Variants in PHLPP1 observed in about 807,000 individuals in gnomAD.
PHLPP1 encodes PH domain leucine-rich repeat-containing protein phosphatase 1.
A neutral mutation model predicts 117.2 loss-of-function variants in PHLPP1; 42 were observed. The observed-to-expected ratio is 0.36, with a 90% CI of 0.28 to 0.46. The LOEUF (loss-of-function observed/expected upper bound fraction) is 0.46. Ranked by LOEUF, PHLPP1 falls within the 20% of genes least tolerant of loss-of-function variation. PHLPP1 has a pLI of 1.00. For synonymous variants in PHLPP1, 1,042 were observed against 970.7 expected (o/e 1.07, Z -1.37); for missense variants, 2,084 against 2,241.9 (o/e 0.93, Z 1.42).
At chr18:62,943,156 A>G (rs779002594) in intron 11 of PHLPP1, among the ~76,000 whole-genome samples, 2 of 152,146 alleles carry the variant, frequency 1.3e-5, no homozygotes, top group Non-Finnish European at 2.9e-5. Context: ...TGCCAGGTGT[A>G]ATCACCCACC....
At chr18:62,793,563 C>T (rs1487346389) in intron 1 of PHLPP1, among the ~76,000 whole-genome samples, 2 of 152,182 alleles carry the variant, frequency 1.3e-5, no homozygotes, top group Non-Finnish European at 1.5e-5. Context: ...GAACATAGAA[C>T]TTAATATACA....
At chr18:62,920,717 G>A (rs888931162) in intron 10 of PHLPP1, among the ~76,000 whole-genome samples, 6 of 151,990 alleles carry the variant, frequency 3.9e-5, no homozygotes, top group Admixed American at 1.3e-4. Context: ...GTGCCACCAC[G>A]CCCAGCTAAT....
At chr18:62,884,204 AT>A (rs1171614819) in intron 4 of PHLPP1, among the ~76,000 whole-genome samples, 1 of 152,210 alleles carries the variant, frequency 6.6e-6, no homozygotes, top group Non-Finnish European at 1.5e-5. Context: ...TGCAGAAAAA[AT>A]ATATGTGGTA....
intron 12 of PHLPP1, 113 bp downstream of exon 12, chr18:62,945,384 C>T: frequency 1.3e-6 from 1 of 789,960 alleles, no homozygotes; most frequent in Non-Finnish European, 1.9e-6. Flanking sequence ...AGAATGAAGG[C>T]CCCCATTAGC....
chr18:62,866,615 ATT>A (rs1335835157), intron 4 of PHLPP1, among the ~76,000 whole-genome samples: 4 of 152,184 alleles, frequency 2.6e-5, no homozygotes, highest in Non-Finnish European at 5.9e-5. Context: ...CATTTTTTAA[ATT>A]TGAGTATTTC....
rs549489700 is a variant in PHLPP1 at position 62,747,317 on chromosome 18, C to T, written c.1576+30058C>T. 2.8e-4 allele frequency among the ~76,000 whole-genome samples: 40 copies of T among 142,216 alleles called. No individual in the cohort carries two copies. In the South Asian group the frequency reaches 8.7e-3, roughly 31 times the overall value. 93.3% of individuals were successfully genotyped at this position (142,216 alleles called of 152,430 possible). A position where few individuals can be genotyped will look rare whatever the true frequency, so the allele number is the denominator to read the frequency against. On this transcript the variant is annotated intron_variant, in intron 1 of 16. Transcript: ENST00000262719. ...TTTTTTCTGTGGAAACAGAGTCTCG[C>T]TCTTTTGCCCAGGTTGGATTGCAGT...
At chr18:62,795,508 A>AC (rs1568119819) in intron 1 of PHLPP1, among the ~76,000 whole-genome samples, 1 of 151,434 alleles carries the variant, frequency 6.6e-6, no homozygotes, top group Non-Finnish European at 1.5e-5. Flanking sequence ...AAAAAAAAAA[A>AC]AAAAACAACA....
chr18:62,734,004 G>T (rs1488090470), intron 1 of PHLPP1, among the ~76,000 whole-genome samples: 3 of 152,128 alleles, frequency 2.0e-5, no homozygotes, highest in Non-Finnish European at 4.4e-5. Context: ...TAAATTCTGG[G>T]TTAAGCAAAT....
At chr18:62,847,021 A>G (rs1195368176) in intron 3 of PHLPP1, among the ~76,000 whole-genome samples, 1 of 152,168 alleles carries the variant, frequency 6.6e-6, no homozygotes, top group Admixed American at 6.6e-5. Flanking sequence ...GTTTAGAACT[A>G]TTTAATTTTA....
rs551387073 is a variant in PHLPP1, at chr18:62,794,398, C to T, written c.1577-35637C>T. ...TTTTTTTTTTTTTAAGGCAGATTCT[C>T]ACTCTGTCAACCATGCTGAGTGCAG... is the stretch of plus-strand genomic sequence containing the variant. On this transcript the variant is annotated intron_variant, in intron 1 of 16. Coordinates refer to ENST00000262719, the MANE Select transcript of PHLPP1 (RefSeq NM_194449.4). Among the ~76,000 whole-genome samples the T allele has an allele frequency of 3.2e-4, 49 of 150,904 alleles. No homozygotes were observed. In the South Asian group the frequency reaches 9.2e-3, roughly 28 times the overall value.
chr18:62,735,319 A>G (rs998225814), intron 1 of PHLPP1, among the ~76,000 whole-genome samples: 2 of 152,074 alleles, frequency 1.3e-5, no homozygotes, highest in Non-Finnish European at 2.9e-5. Context: ...CCTTAGTTCA[A>G]GTAATCCGCC....
At chr18:62,969,202 C>T (rs1459248666) in intron 14 of PHLPP1, among the ~76,000 whole-genome samples, 1 of 152,040 alleles carries the variant, frequency 6.6e-6, no homozygotes, top group Non-Finnish European at 1.5e-5. Flanking sequence ...ATATCACACT[C>T]AACTGCTTTT....
intron 1 of PHLPP1, among the ~76,000 whole-genome samples, chr18:62,732,561 T>C (rs569838990): frequency 6.6e-6 from 1 of 152,378 alleles, no homozygotes; most frequent in East Asian, 1.9e-4. Flanking sequence ...TCATGCCTGC[T>C]AACACAACAT....
chr18:62,822,485 C>T (rs1326777375), intron 1 of PHLPP1, among the ~76,000 whole-genome samples: 2 of 151,684 alleles, frequency 1.3e-5, no homozygotes, highest in African/African-American at 2.4e-5. Context: ...GGGGTTTCAC[C>T]GTGTTAGCCA....
chr18:62,863,159 A>G (rs1396290756), intron 4 of PHLPP1, among the ~76,000 whole-genome samples: 3 of 150,356 alleles, frequency 2.0e-5, no homozygotes, highest in African/African-American at 7.4e-5. Flanking sequence ...GGCTACTTTT[A>G]TGGTTCTCTC....
intron 10 of PHLPP1, among the ~76,000 whole-genome samples, chr18:62,925,845 C>T (rs1016508186): frequency 4.6e-5 from 7 of 152,106 alleles, no homozygotes; most frequent in Non-Finnish European, 8.8e-5. Flanking sequence ...GGTCTTCTCC[C>T]TTCGATTTTA....
At chr18:62,955,216 C>A (rs1910578065) in intron 12 of PHLPP1, among the ~76,000 whole-genome samples, 1 of 152,174 alleles carries the variant, frequency 6.6e-6, no homozygotes, top group Non-Finnish European at 1.5e-5. Context: ...ATGTCACATG[C>A]ATGAGCTGCA....
intron 1 of PHLPP1, among the ~76,000 whole-genome samples, chr18:62,780,128 T>C (rs975360881): frequency 4.6e-5 from 7 of 152,254 alleles, no homozygotes; most frequent in African/African-American, 1.7e-4. Context: ...GTATGTGGTA[T>C]ATATGATAGT....
chr18:62,967,799 T>C (rs528811172), intron 14 of PHLPP1, among the ~76,000 whole-genome samples: 2 of 152,140 alleles, frequency 1.3e-5, no homozygotes, highest in East Asian at 1.9e-4. Context: ...CAAGTATAAA[T>C]GCATTTGGTC....
Sources: allele counts gnomAD v4.1 joint callset (sites outside exome capture counted in the v4.1 genomes callset), GRCh38; gene constraint gnomAD v4.1.1; transcripts MANE v1.5; gene names NCBI Gene and HGNC (gene_info 2026-07-23, HGNC 2026-07-21).